The following AFF2 variants were observed in gnomAD, a reference collection of about 807,000 sequenced individuals.
AFF2 encodes ALF transcription elongation factor 2.
In AFF2, 14 loss-of-function variants were observed where a neutral mutation model predicts 76.9. The ratio of observed to expected loss-of-function variants is 0.18; its 90% confidence interval spans 0.12 to 0.28. The LOEUF is 0.28. Ranked by LOEUF, AFF2 falls within the 10% of genes least tolerant of loss-of-function variation. AFF2 has a pLI of 1.00. For missense variants in AFF2, 868 were observed against 1,001.1 expected, an observed-to-expected ratio of 0.87 and a Z score of 1.79; for synonymous variants, 398 against 366.7, an observed-to-expected ratio of 1.09 and a Z score of -0.98.
At chrX:148,659,085 T>C (rs782415028) in intron 2 of AFF2, among the ~76,000 whole-genome samples, 9 of 112,151 alleles carry the variant, frequency 8.0e-5, no homozygotes, top group East Asian at 2.8e-4. Context: ...TCCAGACTTA[T>C]TGAGAGAAAT....
intron 7 of AFF2, among the ~76,000 whole-genome samples, chrX:148,869,087 C>T (rs1459142750): frequency 1.8e-5 from 2 of 112,541 alleles, no homozygotes; most frequent in Non-Finnish European, 3.8e-5. Flanking sequence ...CACTCAAAAA[C>T]ATTATGCTAA....
At chrX:148,595,211 A>T (rs2053561334) in intron 1 of AFF2, among the ~76,000 whole-genome samples, 1 of 112,351 alleles carries the variant, frequency 8.9e-6, no homozygotes, top group African/African-American at 3.2e-5. Context: ...AATTATCGAT[A>T]AAGTGGGAAG....
intron 1 of AFF2, among the ~76,000 whole-genome samples, chrX:148,630,832 A>G (rs189926038): frequency 4.8e-4 from 54 of 112,139 alleles, no homozygotes; most frequent in African/African-American, 1.7e-3. Context: ...TGTTCTTCAT[A>G]GCTGCCATTC....
chrX:148,732,909 C>G (rs903907887), intron 3 of AFF2, among the ~76,000 whole-genome samples: 3 of 111,523 alleles, frequency 2.7e-5, no homozygotes, highest in Admixed American at 1.9e-4. Context: ...AGCCAACTCT[C>G]TTATTCAAAC....
At chrX:148,640,383 TCTCC>T (rs1192636103) in intron 1 of AFF2, among the ~76,000 whole-genome samples, 1 of 111,201 alleles carries the variant, frequency 9.0e-6, no homozygotes, top group East Asian at 2.8e-4. Context: ...CCTTCTACCT[TCTCC>T]CTCCCTCCCT....
chrX:148,585,233 A>AC (rs1364382842), intron 1 of AFF2, among the ~76,000 whole-genome samples: 1 of 111,742 alleles, frequency 8.9e-6, no homozygotes, highest in East Asian at 2.8e-4. Flanking sequence ...GCTACTGGGT[A>AC]CAAACATAGG....
At chrX:148,723,391 C>T (rs113020377) in intron 3 of AFF2, among the ~76,000 whole-genome samples, 6,958 of 111,532 alleles carry the variant, frequency 0.062, 306 homozygotes, top group African/African-American at 0.15. Context: ...ATACAGCTCA[C>T]GGGCCTGGCA....
At chrX:148,653,546 A>T (rs2054223250) in intron 2 of AFF2, among the ~76,000 whole-genome samples, 1 of 112,106 alleles carries the variant, frequency 8.9e-6, no homozygotes, top group Non-Finnish European at 1.9e-5. Context: ...TGATGAAAAA[A>T]ATCATTACAA....
chrX:148,751,673 C>A (rs2055500281), intron 3 of AFF2, among the ~76,000 whole-genome samples: 1 of 111,619 alleles, frequency 9.0e-6, no homozygotes, highest in African/African-American at 3.3e-5. Flanking sequence ...TTAGAAAGCC[C>A]ATCTTGTCCT....
intron 1 of AFF2, among the ~76,000 whole-genome samples, chrX:148,636,844 G>T (rs2054036906): frequency 9.0e-6 from 1 of 111,215 alleles, no homozygotes; most frequent in Non-Finnish European, 1.9e-5. Flanking sequence ...CTTCAAAACT[G>T]CACAGTTTAG....
At chrX:148,811,012 G>A (rs1408589993) in intron 4 of AFF2, among the ~76,000 whole-genome samples, 1 of 111,119 alleles carries the variant, frequency 9.0e-6, no homozygotes, top group Non-Finnish European at 1.9e-5. Context: ...CTTGCCACCC[G>A]GAGTATACCT....
intron 5 of AFF2, 87 bp downstream of exon 5, chrX:148,837,820 T>G: frequency 1.6e-6 from 1 of 606,645 alleles, no homozygotes; most frequent in South Asian, 2.7e-5. Flanking sequence ...AAAAATGGCC[T>G]TGGTCTTCTA....
At chrX:148,701,012 A>AGTGTGTGTGTG (rs782232655) in intron 3 of AFF2, among the ~76,000 whole-genome samples, 1 of 73,741 alleles carries the variant, frequency 1.4e-5, no homozygotes, top group African/African-American at 5.8e-5. Context: ...GAGAGAGAGA[A>AGTGTGTGTGTG]TGTGTGTGTG....
chrX:148,902,994 G>C (rs1311047300), intron 8 of AFF2, among the ~76,000 whole-genome samples: 2 of 110,259 alleles, frequency 1.8e-5, no homozygotes, highest in Non-Finnish European at 3.8e-5. Flanking sequence ...AATATCACTT[G>C]TCACCGAGAA....
chrX:148,702,606 A>G (rs2054815659), intron 3 of AFF2, among the ~76,000 whole-genome samples: 1 of 111,796 alleles, frequency 8.9e-6, no homozygotes, highest in Non-Finnish European at 1.9e-5. Flanking sequence ...AAGCCCTTCC[A>G]GATATCTCCA....
intron 1 of AFF2, among the ~76,000 whole-genome samples, chrX:148,550,276 G>T (rs1378303852): frequency 8.9e-6 from 1 of 111,763 alleles, no homozygotes; most frequent in Non-Finnish European, 1.9e-5. Flanking sequence ...TCTCCTTTTG[G>T]GGGAGGAGAA....
chrX:148,913,531 T>G (rs1457110215), intron 9 of AFF2, among the ~76,000 whole-genome samples: 2 of 111,961 alleles, frequency 1.8e-5, no homozygotes, highest in African/African-American at 6.5e-5. Context: ...ATGAGAACCT[T>G]TTCTCTTTAG....
intron 3 of AFF2, among the ~76,000 whole-genome samples, chrX:148,689,716 T>C (rs1226786783): frequency 1.8e-5 from 2 of 112,051 alleles, no homozygotes; most frequent in African/African-American, 6.5e-5. Flanking sequence ...GTGAATGATA[T>C]TATAACTGTT....
At chrX:148,517,440 A>T (rs1557233937) in intron 1 of AFF2, among the ~76,000 whole-genome samples, 1 of 111,893 alleles carries the variant, frequency 8.9e-6, no homozygotes, top group Non-Finnish European at 1.9e-5. Context: ...TGCATGGCAC[A>T]GGGCATCTGG....
Sources: gnomAD v4.1 joint callset for allele counts (sites outside exome capture counted in the v4.1 genomes callset) on GRCh38, gnomAD v4.1.1 for gene constraint, MANE v1.5 for transcripts, NCBI Gene and HGNC (gene_info 2026-07-23, HGNC 2026-07-21) for gene names.